Variants in GNA14 observed in about 807,000 individuals in gnomAD.
GNA14 encodes the protein guanine nucleotide-binding protein subunit alpha-14.
GNA14 carries 50 observed loss-of-function variants against 42.0 expected under a neutral mutation model. The observed-to-expected ratio is 1.19, with a 90% CI of 0.95 to 1.51. The LOEUF is 1.51. Ranked by LOEUF, GNA14 falls within the 40% of genes most tolerant of loss-of-function variation. The pLI, the probability that GNA14 is intolerant of heterozygous loss-of-function variation, is 0.00. For synonymous variants in GNA14, 173 were observed against 163.1 expected (o/e 1.06, Z -0.46); for missense variants, 473 against 446.2 (o/e 1.06, Z -0.54).
At chr9:77,453,653 G>A (rs1368610712) in intron 2 of GNA14, among the ~76,000 whole-genome samples, 1 of 152,154 alleles carries the variant, frequency 6.6e-6, no homozygotes, top group Non-Finnish European at 1.5e-5. Flanking sequence ...ACAACAGCAA[G>A]AACAGCCCTG....
chr9:77,483,937 C>T (rs1836610580), intron 2 of GNA14, among the ~76,000 whole-genome samples: 1 of 151,750 alleles, frequency 6.6e-6, no homozygotes, highest in Admixed American at 6.5e-5. Flanking sequence ...CTTTCAAAAT[C>T]AGAGTGAGAA....
chr9:77,486,348 C>A (rs1170789122), intron 2 of GNA14, among the ~76,000 whole-genome samples: 1 of 152,182 alleles, frequency 6.6e-6, no homozygotes, highest in East Asian at 1.9e-4. Context: ...GGGCCTGGCT[C>A]TGGATTCAAT....
At chr9:77,577,431 G>A (rs1288191435) in intron 1 of GNA14, among the ~76,000 whole-genome samples, 1 of 152,064 alleles carries the variant, frequency 6.6e-6, no homozygotes, top group Non-Finnish European at 1.5e-5. Context: ...CATCTATATC[G>A]ATATTTAACA....
At chr9:77,615,045 GTCTTGCTTTTC>G (rs1823788592) in intron 1 of GNA14, among the ~76,000 whole-genome samples, 1 of 152,324 alleles carries the variant, frequency 6.6e-6, no homozygotes, top group Admixed American at 6.5e-5. Flanking sequence ...ATGTTTGTCA[GTCTTGCTTTTC>G]TCTTTACCCA....
At chr9:77,517,285 G>A (rs1027013540) in intron 2 of GNA14, among the ~76,000 whole-genome samples, 1 of 151,710 alleles carries the variant, frequency 6.6e-6, no homozygotes, top group African/African-American at 2.4e-5. Flanking sequence ...TCAGGGAGGG[G>A]CCGCTCATTC....
intron 1 of GNA14, among the ~76,000 whole-genome samples, chr9:77,558,743 C>T (rs573306045): frequency 6.6e-6 from 1 of 152,090 alleles, no homozygotes; most frequent in East Asian, 1.9e-4. Flanking sequence ...CTGGGGCCTG[C>T]CTTCTGTATA....
At position 77,425,624 on chromosome 9, in the gene GNA14, T is replaced by G. The variant is rs897435968; in HGVS notation, c.815A>C (p.Lys272Thr). ...NSSVILFLNK[K>T]DLLEEKIMYS... ...CATGATTTTCTCTTCCAAAAGATCC[T>G]TCTTGTTCAAGAATAAAATCACAGA... The change falls in exon 6 of 7, where the codon AAG (lysine) becomes ACG (threonine). Residue 272 changes from lysine (K) to threonine (T), a missense_variant. Transcript: ENST00000341700. 1 of 1,608,616 alleles carries G rather than the reference T, an allele frequency of 6.2e-7. No homozygotes were observed. The highest frequency in any genetic ancestry group is 8.5e-7 in the Non-Finnish European group (1 of 1,175,312).
intron 2 of GNA14, among the ~76,000 whole-genome samples, chr9:77,470,673 T>A (rs986088212): frequency 1.3e-5 from 2 of 152,182 alleles, no homozygotes; most frequent in Admixed American, 6.5e-5. Context: ...TGTTCTCACA[T>A]AACTATGAAG....
At chr9:77,484,186 G>A (rs1836614948) in intron 2 of GNA14, among the ~76,000 whole-genome samples, 1 of 152,130 alleles carries the variant, frequency 6.6e-6, no homozygotes, top group Non-Finnish European at 1.5e-5. Context: ...TCAATTAAAA[G>A]AACAATCAAT....
At chr9:77,549,865 C>T (rs1056786938) in intron 1 of GNA14, among the ~76,000 whole-genome samples, 5 of 152,154 alleles carry the variant, frequency 3.3e-5, no homozygotes, top group South Asian at 4.1e-4. Context: ...TTCACATCCT[C>T]GTTGCAAGCG....
intron 1 of GNA14, among the ~76,000 whole-genome samples, chr9:77,605,047 T>C (rs1409431536): frequency 4.6e-5 from 7 of 152,386 alleles, no homozygotes; most frequent in African/African-American, 1.7e-4. Context: ...CTTCATGTTC[T>C]AGACACTCGG....
chr9:77,529,610 A>T (rs1010053076), intron 1 of GNA14, among the ~76,000 whole-genome samples: 11 of 152,142 alleles, frequency 7.2e-5, no homozygotes, highest in African/African-American at 2.7e-4. Context: ...GAGCCATAGG[A>T]ACACTTGGAG....
intron 1 of GNA14, among the ~76,000 whole-genome samples, chr9:77,601,543 C>A (rs1032086203): frequency 3.3e-5 from 5 of 152,184 alleles, no homozygotes; most frequent in Non-Finnish European, 7.3e-5. Context: ...AAATTCTATT[C>A]TTTCTACTCT....
intron 1 of GNA14, among the ~76,000 whole-genome samples, chr9:77,631,357 A>G (rs1227356002): frequency 6.6e-6 from 1 of 151,956 alleles, no homozygotes; most frequent in Non-Finnish European, 1.5e-5. Context: ...GCTAAGAACT[A>G]TAGTATTTAG....
At chr9:77,615,246 A>ACT (rs1199438282) in intron 1 of GNA14, among the ~76,000 whole-genome samples, 1 of 151,372 alleles carries the variant, frequency 6.6e-6, no homozygotes, top group Non-Finnish European at 1.5e-5. Context: ...CAGAGAAGAG[A>ACT]CTCTCCTAGT....
At chr9:77,601,821 G>A (rs140505692) in intron 1 of GNA14, among the ~76,000 whole-genome samples, 1 of 152,302 alleles carries the variant, frequency 6.6e-6, no homozygotes, top group African/African-American at 2.4e-5. Flanking sequence ...TTCATTGGAT[G>A]ATACTGTTTG....
chr9:77,525,540 CTTT>C (rs780509461), intron 2 of GNA14, among the ~76,000 whole-genome samples: 10 of 137,080 alleles, frequency 7.3e-5, no homozygotes, highest in Non-Finnish European at 8.0e-5. Context: ...ATGGTTTGTT[CTTT>C]TTTTTTTTTT....
intron 2 of GNA14, among the ~76,000 whole-genome samples, chr9:77,508,703 G>A (rs1369889546): frequency 6.6e-6 from 1 of 152,150 alleles, no homozygotes; most frequent in East Asian, 1.9e-4. Context: ...CAGTTCCCCT[G>A]TAGAAGAACC....
rs753095123 is a variant in GNA14 at position 77,529,256 on chromosome 9, A to G, written c.125-3T>C. Reference sequence around the variant, plus strand: ...GCTTTTCCCACTTTCACCAGTTCCTATAAGACAAAACAAGTGGAAAACGCT... The same window carrying G: ...GCTTTTCCCACTTTCACCAGTTCCTGTAAGACAAAACAAGTGGAAAACGCT... On this transcript the variant is annotated splice_polypyrimidine_tract_variant and splice_region_variant and intron_variant, in intron 1 of 6. Transcript: ENST00000341700. 33 of 1,612,384 alleles carry G rather than the reference A, an allele frequency of 2.0e-5. No individual in the cohort carries two copies. The highest frequency in any genetic ancestry group is 4.0e-5 in the African/African-American group (3 of 74,854).
Sources: allele counts gnomAD v4.1 joint callset (sites outside exome capture counted in the v4.1 genomes callset), GRCh38; gene constraint gnomAD v4.1.1; transcripts MANE v1.5; gene names NCBI Gene and HGNC (gene_info 2026-07-23, HGNC 2026-07-21).